The following AKR1C2 variants were observed in gnomAD, a reference collection of about 807,000 sequenced individuals.
AKR1C2 encodes the protein aldo-keto reductase family 1 member C2, also known as 3-alpha-HSD3.
In AKR1C2, 27 loss-of-function variants were observed where a neutral mutation model predicts 39.8. That is an observed-to-expected ratio of 0.68 (90% CI 0.50 to 0.93). AKR1C2 has a LOEUF of 0.93. Ranked by LOEUF, AKR1C2 falls within the 40% of genes least tolerant of loss-of-function variation. The pLI is 0.00. For missense variants in AKR1C2, 263 were observed against 365.1 expected, an observed-to-expected ratio of 0.72 and a Z score of 2.28; for synonymous variants, 114 against 137.9, an observed-to-expected ratio of 0.83 and a Z score of 1.22.
Position 5,003,762 on chromosome 10 carries a change from G to T in AKR1C2, c.74C>A (p.Ala25Glu). ...FMPVLGFGTYAPAEVPKSKAL... is the reference protein window; with the variant it reads ...FMPVLGFGTYEPAEVPKSKAL... ...AAATATTATTGTTACCTCTGCAGGC[G>T]CATAGGTGCCAAATCCCAGGACAGG... The change falls in exon 1 of 9, where the codon GCG (alanine) becomes GAG (glutamate). Residue 25 changes from alanine (A) to glutamate (E), a missense_variant. Physicochemically the swap from Ala to Glu is moderately radical, Grantham distance 107. Coordinates refer to ENST00000380753, the MANE Select transcript of AKR1C2 (RefSeq NM_001393392.1). 1 of 1,613,728 alleles carries T rather than the reference G, an allele frequency of 6.2e-7. No homozygotes were observed. Among genetic ancestry groups the T allele is most frequent in the East Asian group, 2.2e-5 (1 of 44,846 alleles).
intron 5 of AKR1C2, among the ~76,000 whole-genome samples, chr10:4,996,928 T>C (rs191202714): frequency 0.013 from 2,018 of 152,064 alleles, 60 homozygotes; most frequent in African/African-American, 0.046. Flanking sequence ...TAGAAAAAAG[T>C]TCAAATCACT....
At chr10:4,996,366 A>G (rs1304010308) in intron 5 of AKR1C2, among the ~76,000 whole-genome samples, 9 of 151,584 alleles carry the variant, frequency 5.9e-5, no homozygotes, top group African/African-American at 2.2e-4. Context: ...ATATACATAT[A>G]CACATAAATA....
intron 1 of AKR1C2, among the ~76,000 whole-genome samples, chr10:5,001,952 G>C (rs1554773891): frequency 6.6e-6 from 1 of 152,014 alleles, no homozygotes; most frequent in Non-Finnish European, 1.5e-5. Context: ...GTGATTTTTT[G>C]GAAAAATCAA....
At chr10:4,999,107 A>G (rs1276150681) in intron 4 of AKR1C2, 93 bp downstream of exon 4, 4 of 1,506,394 alleles carry the variant, frequency 2.7e-6, no homozygotes, top group East Asian at 4.6e-5. Flanking sequence ...TTTTGATCCA[A>G]TGGTGCATTT....
At chr10:4,998,860 A>G in intron 4 of AKR1C2, 113 bp from the exon 5 acceptor site, 4 of 1,500,500 alleles carry the variant, frequency 2.7e-6, no homozygotes, top group Non-Finnish European at 3.6e-6. Context: ...CAAACTAGCT[A>G]GCCGTGGTTC....
At chr10:5,008,038 G>T (rs1260307860), upstream of AKR1C2, among the ~76,000 whole-genome samples, 1 of 151,612 alleles carries the variant, frequency 6.6e-6, no homozygotes, top group African/African-American at 2.4e-5. Flanking sequence ...CTGTGGCTTT[G>T]CAGGGTGCAG....
Position 4,989,839 on chromosome 10 carries a change from CT to C in AKR1C2, c.*156del. On this transcript the variant is annotated 3_prime_UTR_variant, in exon 9 of 9. Transcript: ENST00000380753. ...AATGAAAAACAAAATTATTGTCTTT[CT>C]TTTCCGGCCGATGGGCTTAGCTGTA... The C allele has an allele frequency of 9.0e-7, 1 of 1,115,296 alleles. No individual in the cohort carries two copies. Among genetic ancestry groups the C allele is most frequent in the Non-Finnish European group, 1.3e-6 (1 of 785,460 alleles). 69.1% of individuals were successfully genotyped at this position (1,115,296 alleles called of 1,614,324 possible).
In AKR1C2 at chr10:4,999,174, CCGT is replaced by C. The variant is rs782680629; in HGVS notation, c.447+23_447+25del. 75 of 1,582,630 alleles carry C rather than the reference CCGT, an allele frequency of 4.7e-5. No homozygotes were observed. In the South Asian group the frequency reaches 8.3e-4, roughly 17 times the overall value. On this transcript the variant is annotated intron_variant, in intron 4 of 8. Coordinates refer to ENST00000380753, the MANE Select transcript of AKR1C2 (RefSeq NM_001393392.1). ...ATGTATCCTACCTCATCTTTCTTAT[CCGT>C]TCTCTCACCTCCAAACACTCACCTC...
chr10:4,993,736 A>G (rs1271309385), intron 7 of AKR1C2, among the ~76,000 whole-genome samples: 1 of 151,892 alleles, frequency 6.6e-6, no homozygotes, highest in African/African-American at 2.4e-5. Flanking sequence ...TCTCTAAAGA[A>G]TTCATATCCA....
intron 1 of AKR1C2, chr10:5,014,926 A>C (rs564976613): frequency 5.2e-5 from 8 of 152,382 alleles, no homozygotes; most frequent in Admixed American, 5.2e-4. Context: ...CAAGGCTCTC[A>C]TAAGGGCAAT....
At chr10:5,009,272 C>T (rs1554774683) in intron 1 of AKR1C2, among the ~76,000 whole-genome samples, 1 of 152,136 alleles carries the variant, frequency 6.6e-6, no homozygotes, top group Non-Finnish European at 1.5e-5. Context: ...AACTGTGTCA[C>T]CAATGTTGAC....
chr10:5,017,257 G>C (rs1309219134), intron 1 of AKR1C2, among the ~76,000 whole-genome samples: 1 of 152,146 alleles, frequency 6.6e-6, no homozygotes, highest in Non-Finnish European at 1.5e-5. Flanking sequence ...TACATGGCCA[G>C]GCTCAAGTTA....
chr10:4,993,509 A>G (rs1404664858), intron 7 of AKR1C2, among the ~76,000 whole-genome samples: 1 of 152,174 alleles, frequency 6.6e-6, no homozygotes, highest in Non-Finnish European at 1.5e-5. Flanking sequence ...AACCAAATTT[A>G]TAAGGAAAGA....
At chr10:5,007,796 G>A (rs1439752241), upstream of AKR1C2, among the ~76,000 whole-genome samples, 1 of 151,816 alleles carries the variant, frequency 6.6e-6, no homozygotes, top group African/African-American at 2.4e-5. Flanking sequence ...TCAAAAACAA[G>A]TTATTTCCTT....
intron 1 of AKR1C2, among the ~76,000 whole-genome samples, chr10:5,012,920 G>A (rs1224549566): frequency 5.9e-5 from 9 of 151,842 alleles, no homozygotes; most frequent in Admixed American, 6.6e-5. Context: ...TTTTCTTCAG[G>A]GACTTCTCAA....
At chr10:5,009,478 A>T (rs1235741856) in intron 1 of AKR1C2, among the ~76,000 whole-genome samples, 4 of 151,936 alleles carry the variant, frequency 2.6e-5, no homozygotes, top group African/African-American at 9.7e-5. Context: ...TTGTAAAGAG[A>T]AAAGTATTAA....
intron 1 of AKR1C2, among the ~76,000 whole-genome samples, chr10:5,016,872 C>T (rs1369823383): frequency 6.6e-6 from 1 of 152,232 alleles, no homozygotes; most frequent in African/African-American, 2.4e-5. Flanking sequence ...AGCCTCATCT[C>T]TTAGTCTCTG....
chr10:5,015,275 G>A (rs1837613494), intron 1 of AKR1C2: 1 of 152,190 alleles, frequency 6.6e-6, no homozygotes, highest in Non-Finnish European at 1.5e-5. Flanking sequence ...CCTTTTGAAT[G>A]AGAAAATTAT....
intron 1 of AKR1C2, chr10:5,013,292 G>C (rs1245456180): frequency 2.0e-5 from 3 of 152,018 alleles, no homozygotes; most frequent in African/African-American, 7.2e-5. Flanking sequence ...TTTATGAAAC[G>C]ATTCTGATTC....
Sources: gnomAD v4.1 joint callset for allele counts (sites outside exome capture counted in the v4.1 genomes callset) on GRCh38, gnomAD v4.1.1 for gene constraint, MANE v1.5 for transcripts, NCBI Gene and HGNC (gene_info 2026-07-23, HGNC 2026-07-21) for gene names.